Variants in ROBO1 observed in about 807,000 individuals in gnomAD.
ROBO1 encodes the protein roundabout guidance receptor 1, also known as roundabout homolog 1.
ROBO1 carries 149 observed loss-of-function variants against 195.9 expected under a neutral mutation model. That is an observed-to-expected ratio of 0.76 (90% CI 0.67 to 0.87). The LOEUF (loss-of-function observed/expected upper bound fraction) is 0.87. Among genes scored for constraint, ROBO1 ranks in the 40% least tolerant of loss-of-function variants. ROBO1 has a pLI of 0.00. For synonymous variants in ROBO1, 816 were observed against 733.2 expected, an observed-to-expected ratio of 1.11 and a Z score of -1.82; for missense variants, 1,933 against 2,068.3, an observed-to-expected ratio of 0.93 and a Z score of 1.27.
intron 1 of ROBO1, among the ~76,000 whole-genome samples, chr3:79,731,514 G>A (rs573294490): frequency 1.3e-5 from 2 of 152,102 alleles, no homozygotes; most frequent in African/African-American, 2.4e-5. Flanking sequence ...CAGAGATGAA[G>A]CAATAAAATT....
Position 78,959,895 on chromosome 3 carries a change from G to A in ROBO1, c.173-20968C>T, listed in dbSNP as rs377241347. Among the ~76,000 whole-genome samples, 70 of 152,260 alleles carry A rather than the reference G, an allele frequency of 4.6e-4. No homozygotes were observed. In the South Asian group the frequency reaches 0.015, roughly 32 times the overall value. On this transcript the variant is annotated intron_variant, in intron 3 of 30. Coordinates refer to ENST00000464233, the MANE Select transcript of ROBO1 (RefSeq NM_002941.4). ...CACAACTGGGGTTAGCTTGGAGGTTGAAAAGGTACAACCAAGGATTATTAG... is the reference window on the plus strand; with the variant it reads ...CACAACTGGGGTTAGCTTGGAGGTTAAAAAGGTACAACCAAGGATTATTAG...
At chr3:79,045,772 T>C (rs2078579091) in intron 3 of ROBO1, among the ~76,000 whole-genome samples, 1 of 152,154 alleles carries the variant, frequency 6.6e-6, no homozygotes. Context: ...AAATCAATAC[T>C]TATTAAGCTT....
intron 4 of ROBO1, among the ~76,000 whole-genome samples, chr3:78,851,926 T>C (rs908694108): frequency 1.3e-5 from 2 of 151,956 alleles, no homozygotes; most frequent in Admixed American, 6.6e-5. Context: ...AAAAATTGAG[T>C]GATTTTTTTT....
chr3:79,600,006 C>T (rs1264038084), intron 1 of ROBO1, among the ~76,000 whole-genome samples: 1 of 151,620 alleles, frequency 6.6e-6, no homozygotes, highest in Non-Finnish European at 1.5e-5. Flanking sequence ...AAAGTATACT[C>T]ATGTACACCA....
At chr3:78,922,144 T>C (rs2038969226) in intron 4 of ROBO1, among the ~76,000 whole-genome samples, 1 of 152,120 alleles carries the variant, frequency 6.6e-6, no homozygotes, top group Non-Finnish European at 1.5e-5. Flanking sequence ...GTACAGGCAG[T>C]CAACATAATA....
At chr3:78,779,648 C>T (rs1318751140) in intron 4 of ROBO1, among the ~76,000 whole-genome samples, 3 of 152,160 alleles carry the variant, frequency 2.0e-5, no homozygotes, top group African/African-American at 7.2e-5. Context: ...AACGCTTTTA[C>T]ACTGTTGGTG....
At chr3:79,107,239 G>A (rs2079801363) in intron 3 of ROBO1, among the ~76,000 whole-genome samples, 1 of 151,168 alleles carries the variant, frequency 6.6e-6, no homozygotes, top group South Asian at 2.1e-4. Flanking sequence ...AACAAAATAG[G>A]TGCTACGCAA....
intron 3 of ROBO1, chr3:79,018,305 G>A (rs1440725209): frequency 3.7e-6 from 5 of 1,358,920 alleles, no homozygotes; most frequent in East Asian, 2.4e-5. Flanking sequence ...TCCGGCCTTA[G>A]GAGGGAGGGG....
At chr3:78,740,927 C>T (rs1311485749) in intron 5 of ROBO1, among the ~76,000 whole-genome samples, 1 of 152,060 alleles carries the variant, frequency 6.6e-6, no homozygotes, top group Non-Finnish European at 1.5e-5. Flanking sequence ...TATTCATTTA[C>T]TAATCTAAAA....
chr3:78,598,966 C>G, intron 30 of ROBO1, 39 bp from the exon 31 acceptor site: 1 of 1,373,046 alleles, frequency 7.3e-7, no homozygotes, highest in Non-Finnish European at 1.0e-6. Flanking sequence ...GAAAATAAAT[C>G]TTAAGAGGAT....
At chr3:79,430,816 G>T (rs866075492) in intron 2 of ROBO1, among the ~76,000 whole-genome samples, 1 of 152,072 alleles carries the variant, frequency 6.6e-6, no homozygotes, top group South Asian at 2.1e-4. Context: ...GTTAAAATGA[G>T]ATTATAATCA....
intron 2 of ROBO1, among the ~76,000 whole-genome samples, chr3:79,283,840 G>GGCGCCCGCTACC (rs2031697802): frequency 6.6e-6 from 1 of 151,592 alleles, no homozygotes; most frequent in South Asian, 2.1e-4. Context: ...TGGGACTACA[G>GGCGCCCGCTACC]GCGCCCGCTA....
intron 4 of ROBO1, among the ~76,000 whole-genome samples, chr3:78,871,619 T>C (rs1305675250): frequency 2.6e-5 from 4 of 152,032 alleles, no homozygotes; most frequent in Admixed American, 6.6e-5. Flanking sequence ...ATTATACTTA[T>C]ATTTTTCTAA....
intron 4 of ROBO1, among the ~76,000 whole-genome samples, chr3:78,799,576 C>G (rs527652265): frequency 6.6e-6 from 1 of 151,996 alleles, no homozygotes. Flanking sequence ...CTCCTGACCT[C>G]GTGATCCACC....
chr3:78,878,357 G>A (rs564615286), intron 4 of ROBO1, among the ~76,000 whole-genome samples: 103 of 152,088 alleles, frequency 6.8e-4, no homozygotes, highest in Non-Finnish European at 9.6e-4. Flanking sequence ...AGGCTGAGAC[G>A]GGTGGATCTC....
intron 3 of ROBO1, among the ~76,000 whole-genome samples, chr3:79,006,014 T>C (rs2077611507): frequency 6.6e-6 from 1 of 152,204 alleles, no homozygotes; most frequent in African/African-American, 2.4e-5. Context: ...TCTTAACATG[T>C]AATTCATATG....
intron 2 of ROBO1, among the ~76,000 whole-genome samples, chr3:79,363,248 A>G (rs866835108): frequency 1.4e-4 from 22 of 152,148 alleles, no homozygotes; most frequent in Admixed American, 4.6e-4. Flanking sequence ...AAACACAGAA[A>G]CAGCTGTGAT....
chr3:79,018,730 A>G, intron 3 of ROBO1: 1 of 1,234,798 alleles, frequency 8.1e-7, no homozygotes, highest in Non-Finnish European at 1.0e-6. Context: ...GAACCATCCA[A>G]AGCGAACAAC....
At chr3:79,026,737 TG>T (rs1576586458) in intron 3 of ROBO1, among the ~76,000 whole-genome samples, 2 of 152,200 alleles carry the variant, frequency 1.3e-5, no homozygotes, top group East Asian at 3.9e-4. Context: ...ATTCTAATCA[TG>T]ATTTAAAATT....
Sources: allele counts gnomAD v4.1 joint callset (sites outside exome capture counted in the v4.1 genomes callset), GRCh38; gene constraint gnomAD v4.1.1; transcripts MANE v1.5; gene names NCBI Gene and HGNC (gene_info 2026-07-23, HGNC 2026-07-21).